The following XRN2 variants were observed in gnomAD, a reference collection of about 807,000 sequenced individuals.
XRN2 encodes the protein DHM1-like protein.
Under a neutral mutation model 138.5 loss-of-function variants are expected in XRN2, and 44 were observed. The ratio of observed to expected loss-of-function variants is 0.32; its 90% CI spans 0.25 to 0.41. The LOEUF (loss-of-function observed/expected upper bound fraction) is 0.41, where lower values mean the gene tolerates loss of function less well. Among genes scored for constraint, XRN2 ranks in the 10% least tolerant of loss-of-function variants. The probability of loss-of-function intolerance (pLI) is 1.00; values close to 1 mark genes in which losing one functional copy is unlikely to be tolerated. For synonymous variants in XRN2, 354 were observed against 369.4 expected, an observed-to-expected ratio of 0.96 and a Z score of 0.48; for missense variants, 937 against 1,169.3, an observed-to-expected ratio of 0.80 and a Z score of 2.90.
At chr20:21,349,769 A>G (rs754977940) in intron 20 of XRN2, among the ~76,000 whole-genome samples, 20 of 152,204 alleles carry the variant, frequency 1.3e-4, no homozygotes, top group Non-Finnish European at 2.8e-4. Context: ...ATAAATAAAT[A>G]TTTTAAAAGG....
chr20:21,310,711 A>G (rs538344629), intron 1 of XRN2, among the ~76,000 whole-genome samples: 1 of 151,842 alleles, frequency 6.6e-6, no homozygotes, highest in East Asian at 1.9e-4. Context: ...AGGTAACATA[A>G]CAATTGGGTC....
intron 21 of XRN2, among the ~76,000 whole-genome samples, chr20:21,355,573 A>C (rs1422055814): frequency 1.1e-4 from 17 of 152,170 alleles, no homozygotes; most frequent in Admixed American, 2.0e-4. Context: ...TTTATCTTGC[A>C]GTATATTCAT....
chr20:21,332,310 C>T lies in XRN2; in HGVS notation c.728C>T (p.Thr243Ile). The T allele has an allele frequency of 1.9e-6, 3 of 1,613,244 alleles. No homozygotes were observed. The highest frequency in any genetic ancestry group is 2.5e-6 in the Non-Finnish European group (3 of 1,179,600). The change falls in exon 9 of 30, where the codon ACA becomes ATA. Residue 243 changes from threonine to isoleucine, a missense_variant. Thr to Ile is a moderately conservative substitution (Grantham distance 89). Transcript: ENST00000377191. Reference protein sequence around the residue: ...DADLIMLGLATHEPNFTIIRE... With the variant: ...DADLIMLGLAIHEPNFTIIRE... ...GATCTCATTATGCTTGGCCTTGCCA[C>T]ACATGAACCGAACTTTACCATTATT...
At chr20:21,361,324 G>T (rs1035575018) in intron 24 of XRN2, among the ~76,000 whole-genome samples, 1 of 152,156 alleles carries the variant, frequency 6.6e-6, no homozygotes, top group African/African-American at 2.4e-5. Context: ...AAATAGTGAG[G>T]TTACCTATTA....
At chr20:21,371,859 T>G (rs2038766415) in intron 27 of XRN2, among the ~76,000 whole-genome samples, 1 of 152,260 alleles carries the variant, frequency 6.6e-6, no homozygotes, top group Non-Finnish European at 1.5e-5. Flanking sequence ...TCTATAGTTC[T>G]TCGTCTGCCT....
chr20:21,375,689 G>A (rs1219825560), intron 27 of XRN2, among the ~76,000 whole-genome samples: 1 of 151,582 alleles, frequency 6.6e-6, no homozygotes, highest in Non-Finnish European at 1.5e-5. Flanking sequence ...AAGGTATGGT[G>A]AATTTCTAGA....
Position 21,326,636 on chromosome 20 carries a change from T to G in XRN2, c.315+35T>G, listed in dbSNP as rs778233192. On this transcript the variant is annotated intron_variant, in intron 3 of 29. Coordinates refer to ENST00000377191, the MANE Select transcript of XRN2 (RefSeq NM_012255.5). Reference sequence around the variant, plus strand: ...AAAATAATTAGAAGCCTCCATTTTGTTTTTTTTTGCTGTGTTACCAGTGTC... The same window carrying G: ...AAAATAATTAGAAGCCTCCATTTTGGTTTTTTTTGCTGTGTTACCAGTGTC... 1.3e-5 allele frequency: 19 copies of G among 1,501,664 alleles called. 1 individual carries two copies. Among genetic ancestry groups the G allele is most frequent in the East Asian group, 9.3e-5 (4 of 43,174 alleles). The allele number at this position is 1,501,664 out of a possible 1,614,324, so 93.0% of individuals were successfully genotyped here.
chr20:21,356,437 T>C (rs192022924), intron 22 of XRN2, 149 bp from the exon 23 acceptor site: 1 of 669,900 alleles, frequency 1.5e-6, no homozygotes, highest in African/African-American at 1.8e-5. Flanking sequence ...CTATGTGTAC[T>C]TTTTTATCCA....
intron 1 of XRN2, among the ~76,000 whole-genome samples, chr20:21,309,072 A>G (rs1283157295): frequency 6.6e-6 from 1 of 152,158 alleles, no homozygotes; most frequent in Non-Finnish European, 1.5e-5. Flanking sequence ...CAAGTTTGCT[A>G]AAGTTTGCTA....
In XRN2 at chr20:21,325,819, A is replaced by G. The variant is rs574643049; in HGVS notation, c.76-460A>G. Among the ~76,000 whole-genome samples the G allele has an allele frequency of 3.9e-5, 6 of 152,294 alleles. No homozygotes were observed. In the South Asian group the frequency reaches 1.0e-3, roughly 26 times the overall value. The stretch of plus-strand genomic sequence containing the variant: ...TGACAATGCAGAAAGTGAGCTGGAG[A>G]CCAGAGAGTCTAGAGGTGGGGTAGA... On this transcript the variant is annotated intron_variant, in intron 1 of 29. Coordinates refer to ENST00000377191, the MANE Select transcript of XRN2 (RefSeq NM_012255.5).
intron 13 of XRN2, among the ~76,000 whole-genome samples, chr20:21,335,109 A>G (rs942291011): frequency 6.6e-6 from 1 of 152,152 alleles, no homozygotes; most frequent in African/African-American, 2.4e-5. Context: ...TCCTGAAGAG[A>G]TGGGAAGCCA....
chr20:21,386,985 A>G lies in XRN2; in HGVS notation c.2766A>G (p.Arg922=). 1 of 1,610,734 alleles carries G rather than the reference A, an allele frequency of 6.2e-7. No homozygotes were observed. The highest frequency in any genetic ancestry group is 1.1e-5 in the South Asian group (1 of 90,988). ...LAGPGGYPPR[R]DDRGGRQGYP... is the part of the protein sequence containing the mutation. ...GGCCTGGTGGGTATCCACCCAGACG[A>G]GATGATCGTGGAGGGAGACAGGTAA... The change falls in exon 29 of 30, where the codon CGA becomes CGG. Residue 922 remains arginine (R), a synonymous_variant. Coordinates refer to ENST00000377191, the MANE Select transcript of XRN2 (RefSeq NM_012255.5).
chr20:21,375,039 G>T (rs1568597355), intron 27 of XRN2, among the ~76,000 whole-genome samples: 4 of 84,542 alleles, frequency 4.7e-5, no homozygotes, highest in Non-Finnish European at 6.7e-5. Flanking sequence ...TTTTTTTGGT[G>T]GGAATGTGCC....
At chr20:21,360,979 A>G (rs1021570541) in intron 24 of XRN2, among the ~76,000 whole-genome samples, 1 of 152,210 alleles carries the variant, frequency 6.6e-6, no homozygotes, top group Non-Finnish European at 1.5e-5. Context: ...AGCATTAATT[A>G]TGGAATGTAT....
At chr20:21,303,646 T>A (rs1289976307) in intron 1 of XRN2, 173 bp downstream of exon 1, 13 of 1,347,888 alleles carry the variant, frequency 9.6e-6, no homozygotes, top group Non-Finnish European at 1.1e-5. Context: ...GCTGTGGGAT[T>A]CAGCACCCCG....
intron 17 of XRN2, 142 bp downstream of exon 17, chr20:21,346,692 T>A: frequency 1.0e-6 from 1 of 995,838 alleles, no homozygotes; most frequent in South Asian, 1.7e-5. Context: ...TGATCTCAAC[T>A]CACTGCGACC....
intron 24 of XRN2, among the ~76,000 whole-genome samples, chr20:21,358,059 G>T (rs2038596558): frequency 6.6e-6 from 1 of 152,160 alleles, no homozygotes; most frequent in Non-Finnish European, 1.5e-5. Context: ...TAGGCAAGTG[G>T]GAGGTAAAGA....
At chr20:21,360,042 G>A (rs186386337) in intron 24 of XRN2, among the ~76,000 whole-genome samples, 53 of 152,118 alleles carry the variant, frequency 3.5e-4, no homozygotes, top group Non-Finnish European at 5.3e-4. Flanking sequence ...CCTTAAATTC[G>A]TAGACAGACC....
intron 1 of XRN2, among the ~76,000 whole-genome samples, chr20:21,324,275 T>C (rs1488408921): frequency 6.6e-6 from 1 of 152,142 alleles, no homozygotes; most frequent in East Asian, 1.9e-4. Flanking sequence ...CTGTTCTGCC[T>C]TAAATCCCTT....
Sources: allele counts gnomAD v4.1 joint callset (sites outside exome capture counted in the v4.1 genomes callset), GRCh38; gene constraint gnomAD v4.1.1; transcripts MANE v1.5; gene names NCBI Gene and HGNC (gene_info 2026-07-23, HGNC 2026-07-21).